Variants in SPHKAP observed in about 807,000 individuals in gnomAD.
SPHKAP encodes A-kinase anchor protein SPHKAP.
Under a neutral mutation model 137.5 loss-of-function variants are expected in SPHKAP, and 67 were observed. That is an observed-to-expected ratio of 0.49 (90% CI 0.40 to 0.60). SPHKAP has a LOEUF of 0.60. SPHKAP is among the 20% of genes least tolerant of loss of function. The pLI is 0.00. For missense variants in SPHKAP, 2,097 were observed against 2,069.3 expected (o/e 1.01, Z -0.26); for synonymous variants, 813 against 785.3 (o/e 1.04, Z -0.59).
In SPHKAP at chr2:228,018,192, T is replaced by A; in HGVS notation, c.2662A>T (p.Asn888Tyr). ...TCGTTGATGCGAGATGTGGCACAGT[T>A]GTACTTTTCTTGGGTGTTTGGGTGG... ...SIHPNTQEKY[N>Y]CATSRINEVQ... The change falls in exon 7 of 12, where the codon AAC becomes TAC. Residue 888 changes from asparagine (N) to tyrosine (Y), a missense_variant. By Grantham distance (143) the Asn-to-Tyr change is moderately radical (BLOSUM62 -2). Transcript: ENST00000392056. 6.2e-7 allele frequency: 1 copy of A among 1,614,150 alleles called. No homozygotes were observed. The highest frequency in any genetic ancestry group is 8.5e-7 in the Non-Finnish European group (1 of 1,180,038).
chr2:228,113,604 T>C (rs1358243553), intron 2 of SPHKAP, among the ~76,000 whole-genome samples: 2 of 12,430 alleles, frequency 1.6e-4, no homozygotes, highest in Non-Finnish European at 1.3e-4. Context: ...CATTTAGCCA[T>C]CTCTCTCTCT....
chr2:228,028,135 CA>C (rs1695131118), intron 3 of SPHKAP: 1 of 835,982 alleles, frequency 1.2e-6, no homozygotes, highest in Admixed American at 6.2e-5. Flanking sequence ...AGAACAGTTA[CA>C]ACAAAATCTT....
At chr2:227,989,980 T>C (rs940706657) in intron 11 of SPHKAP, among the ~76,000 whole-genome samples, 1 of 152,010 alleles carries the variant, frequency 6.6e-6, no homozygotes, top group Non-Finnish European at 1.5e-5. Context: ...ATCAGGGAGA[T>C]TGACACCAAA....
chr2:227,988,593 T>A (rs559229625), intron 11 of SPHKAP, among the ~76,000 whole-genome samples: 3 of 152,222 alleles, frequency 2.0e-5, no homozygotes, highest in African/African-American at 7.2e-5. Context: ...AGATACATTG[T>A]ACAAACATCT....
At chr2:228,104,297 T>G (rs1185902361) in intron 3 of SPHKAP, among the ~76,000 whole-genome samples, 2 of 143,660 alleles carry the variant, frequency 1.4e-5, no homozygotes, top group Non-Finnish European at 3.0e-5. Flanking sequence ...ATATCATATA[T>G]TATATAATAA....
At position 228,163,016 on chromosome 2, in the gene SPHKAP, C is replaced by T. The variant is rs1035146481; in HGVS notation, c.32+18551G>A. ...CCTGGCCACAAAGCCCTTCTTAAAG[C>T]CAGTACCATGAGGAGGTAGCAAAAC... is the stretch of plus-strand genomic sequence containing the variant. On this transcript the variant is annotated intron_variant, in intron 1 of 11. Transcript: ENST00000392056. 3.3e-5 allele frequency among the ~76,000 whole-genome samples: 5 copies of T among 152,266 alleles called. No individual in the cohort carries two copies. The East Asian group carries it at 7.7e-4, about 24-fold the overall frequency.
chr2:228,012,336 T>C (rs1033763089), intron 7 of SPHKAP, among the ~76,000 whole-genome samples: 3 of 152,186 alleles, frequency 2.0e-5, no homozygotes, highest in African/African-American at 7.2e-5. Flanking sequence ...ATGTTTATTA[T>C]ACTTAATCCA....
At chr2:227,994,552 C>T (rs960976688) in intron 8 of SPHKAP, among the ~76,000 whole-genome samples, 1 of 151,544 alleles carries the variant, frequency 6.6e-6, no homozygotes, top group Non-Finnish European at 1.5e-5. Context: ...GTAGATGGTA[C>T]TCTAAAAGTA....
intron 3 of SPHKAP, among the ~76,000 whole-genome samples, chr2:228,051,638 C>T (rs1696259316): frequency 6.6e-6 from 1 of 152,230 alleles, no homozygotes; most frequent in Non-Finnish European, 1.5e-5. Context: ...AAGTACACTG[C>T]TGTCTACTGC....
At chr2:228,109,660 A>G (rs1453411950) in intron 2 of SPHKAP, among the ~76,000 whole-genome samples, 1 of 152,172 alleles carries the variant, frequency 6.6e-6, no homozygotes, top group Non-Finnish European at 1.5e-5. Flanking sequence ...ATAACTGCTA[A>G]TGTCTTTAAA....
chr2:228,148,216 G>A (rs1440041468), intron 1 of SPHKAP, among the ~76,000 whole-genome samples: 1 of 152,134 alleles, frequency 6.6e-6, no homozygotes, highest in Non-Finnish European at 1.5e-5. Context: ...GGCTACTCTT[G>A]CTGAGAGAAG....
At chr2:228,093,810 A>C (rs555692592) in intron 3 of SPHKAP, among the ~76,000 whole-genome samples, 1 of 134,724 alleles carries the variant, frequency 7.4e-6, no homozygotes, top group East Asian at 2.5e-4. Context: ...CAGTGAGCCG[A>C]GATCACTCCA....
chr2:228,099,957 C>CTCCTG (rs1035872697), intron 3 of SPHKAP, among the ~76,000 whole-genome samples: 13 of 151,824 alleles, frequency 8.6e-5, no homozygotes, highest in Non-Finnish European at 1.6e-4. Context: ...TCACGCCATT[C>CTCCTG]TCCTGCCTCA....
chr2:228,128,108 C>A (rs1481665764), intron 2 of SPHKAP, among the ~76,000 whole-genome samples: 4 of 152,128 alleles, frequency 2.6e-5, no homozygotes, highest in African/African-American at 9.7e-5. Flanking sequence ...CAATGAACGT[C>A]GCCACATTGA....
chr2:228,035,903 A>G (rs1379850875), intron 3 of SPHKAP, among the ~76,000 whole-genome samples: 1 of 151,948 alleles, frequency 6.6e-6, no homozygotes, highest in Non-Finnish European at 1.5e-5. Context: ...AAAGACTTAC[A>G]TGTTAGACCT....
Position 228,036,843 on chromosome 2 carries a change from T to C in SPHKAP, c.247-9300A>G, listed in dbSNP as rs532306587. The stretch of plus-strand genomic sequence containing the variant: ...GTGGGAATTGAACCATGAGAACACA[T>C]GGGCACAGGAAGGGGAACATCACAC... On this transcript the variant is annotated intron_variant, in intron 3 of 11. Transcript: ENST00000392056. 5.5e-5 allele frequency among the ~76,000 whole-genome samples: 8 copies of C among 146,454 alleles called. No homozygotes were observed. The South Asian group carries it at 1.5e-3, about 28-fold the overall frequency.
At chr2:228,178,901 A>G (rs1430741965) in intron 1 of SPHKAP, among the ~76,000 whole-genome samples, 1 of 152,094 alleles carries the variant, frequency 6.6e-6, no homozygotes, top group Admixed American at 6.5e-5. Flanking sequence ...AAGGGAATAC[A>G]GTTTAATAAC....
chr2:228,016,468 G>C lies in SPHKAP; in HGVS notation c.4386C>G (p.Asp1462Glu). Residue 1462 changes from aspartate to glutamate, a missense_variant, in exon 7 of 12, where the codon GAC becomes GAG. Physicochemically the swap from Asp to Glu is conservative, Grantham distance 45 (BLOSUM62 2). Coordinates refer to ENST00000392056, the MANE Select transcript of SPHKAP (RefSeq NM_001142644.2). ...CTCTCACCACATCTGGGATGTTTTT[G>C]TCATTCGAATGCCCTTCTGCTTCCT... ...LLEEAEGHSN[D>E]KNIPDVVRGG... 6.2e-7 allele frequency: 1 copy of C among 1,612,232 alleles called. No homozygotes were observed. The highest frequency in any genetic ancestry group is 1.7e-5 in the Admixed American group (1 of 59,566).
chr2:228,032,405 T>C (rs1335534606), intron 3 of SPHKAP, among the ~76,000 whole-genome samples: 1 of 152,162 alleles, frequency 6.6e-6, no homozygotes, highest in Non-Finnish European at 1.5e-5. Context: ...CTACGTCTGA[T>C]TGCTGTACCT....
Sources: allele counts gnomAD v4.1 joint callset (sites outside exome capture counted in the v4.1 genomes callset), GRCh38; gene constraint gnomAD v4.1.1; transcripts MANE v1.5; gene names NCBI Gene and HGNC (gene_info 2026-07-23, HGNC 2026-07-21).